TNRC6A: variants seen among roughly 807,000 people sequenced by gnomAD.
TNRC6A encodes trinucleotide repeat containing adaptor 6A.
TNRC6A carries 44 observed loss-of-function variants against 221.2 expected under a neutral mutation model. The observed-to-expected ratio is 0.20, with a 90% CI of 0.16 to 0.26. The LOEUF is 0.26. Among genes scored for constraint, TNRC6A ranks in the 10% least tolerant of loss-of-function variants. The pLI, the probability that TNRC6A is intolerant of heterozygous loss-of-function variation, is 1.00. For synonymous variants in TNRC6A, 847 were observed against 838.5 expected (o/e 1.01, Z -0.18); for missense variants, 2,199 against 2,404.4 (o/e 0.91, Z 1.79).
chr16:24,647,242 T>G (rs1006724777), intron 2 of TNRC6A, among the ~76,000 whole-genome samples: 2 of 152,124 alleles, frequency 1.3e-5, no homozygotes, highest in South Asian at 2.1e-4. Flanking sequence ...AAAATATCTT[T>G]TTAGTCTTTT....
At chr16:24,738,021 A>G (rs2056808943) in intron 2 of TNRC6A, among the ~76,000 whole-genome samples, 1 of 152,234 alleles carries the variant, frequency 6.6e-6, no homozygotes, top group Non-Finnish European at 1.5e-5. Context: ...TGAAAATCTT[A>G]CAAAGATAGG....
In TNRC6A at chr16:24,615,317, C is replaced by T. The variant is rs530072593; in HGVS notation, n.276+4833C>T. On this transcript the variant is annotated intron_variant and non_coding_transcript_variant, in intron 1 of 2. Coordinates refer to the TNRC6A transcript ENST00000566108. ...GAGGGCAGGAAGATGTCAACCATTCCGTGCTGAGCCCAGTAGACTTGAGAT... is the reference window on the plus strand; with the variant it reads ...GAGGGCAGGAAGATGTCAACCATTCTGTGCTGAGCCCAGTAGACTTGAGAT... Among the ~76,000 whole-genome samples, 71 of 152,186 alleles carry T rather than the reference C, an allele frequency of 4.7e-4. No individual in the cohort carries two copies. The South Asian group carries it at 7.1e-3, about 15-fold the overall frequency.
chr16:24,792,359 A>G (rs567560433), intron 6 of TNRC6A, among the ~76,000 whole-genome samples: 3 of 152,298 alleles, frequency 2.0e-5, no homozygotes, highest in African/African-American at 7.2e-5. Context: ...TATCTCTGCA[A>G]ATTTTCCCAA....
chr16:24,822,204 G>A, intron 23 of TNRC6A, 57 bp downstream of exon 23: 1 of 1,564,782 alleles, frequency 6.4e-7, no homozygotes, highest in East Asian at 2.2e-5. Context: ...TGGGAACAGA[G>A]GTTCGGGTCT....
chr16:24,791,336 G>C lies in TNRC6A; in HGVS notation c.2694G>C (p.Trp898Cys), dbSNP rs1291581803. 16 of 1,603,934 alleles carry C rather than the reference G, an allele frequency of 1.0e-5. No individual in the cohort carries two copies. The highest frequency in any genetic ancestry group is 2.7e-5 in the African/African-American group (2 of 74,780). ...NELGKTSSFT[W>C]GNNINPNNSS... is the part of the protein sequence containing the mutation. ...TTGGTAAAACTAGTTCTTTCACTTG[G>C]GGAAACAACATAAATCCAAATAATT... is the stretch of plus-strand genomic sequence containing the variant. The change falls in exon 6 of 25, where the codon TGG (tryptophan) becomes TGC (cysteine). Residue 898 changes from tryptophan to cysteine, a missense_variant. Coordinates refer to ENST00000395799, the MANE Select transcript of TNRC6A (RefSeq NM_014494.4).
At chr16:24,714,808 A>G (rs1448188797) in intron 2 of TNRC6A, among the ~76,000 whole-genome samples, 1 of 151,568 alleles carries the variant, frequency 6.6e-6, no homozygotes, top group Non-Finnish European at 1.5e-5. Context: ...AGTTTCAAAG[A>G]GCAAAATTTT....
intron 2 of TNRC6A, among the ~76,000 whole-genome samples, chr16:24,746,907 C>T (rs1223272020): frequency 6.6e-6 from 1 of 152,172 alleles, no homozygotes; most frequent in Non-Finnish European, 1.5e-5. Context: ...CAGACTCTCA[C>T]TATGTTGCCC....
chr16:24,822,876 C>G lies in TNRC6A; in HGVS notation c.5376C>G (p.Ile1792Met). 6.2e-7 allele frequency: 1 copy of G among 1,613,412 alleles called. No homozygotes were observed. Among genetic ancestry groups the G allele is most frequent in the Non-Finnish European group, 8.5e-7 (1 of 1,179,990 alleles). Residue 1792 changes from isoleucine (I) to methionine (M), a missense_variant and splice_region_variant, in exon 24 of 25, where the codon ATC becomes ATG. Around this residue, in one of 8 missense-constraint regions of TNRC6A, gnomAD observed 27 missense variants for 66.0 expected, o/e 0.41. Coordinates refer to ENST00000395799, the MANE Select transcript of TNRC6A (RefSeq NM_014494.4). ...WLVLKNLTPQ[I>M]DGSTLRTLCM... Reference sequence around the variant, plus strand: ...GCAGTTTCCACACTGTTTCCTAGATCGATGGCTCAACTCTGCGCACTCTGT... The same window carrying G: ...GCAGTTTCCACACTGTTTCCTAGATGGATGGCTCAACTCTGCGCACTCTGT...
At chr16:24,708,370 A>G (rs971691975) in intron 2 of TNRC6A, among the ~76,000 whole-genome samples, 5 of 151,878 alleles carry the variant, frequency 3.3e-5, no homozygotes. Context: ...CCTCCTGAAT[A>G]GCTGGGTCTA....
intron 2 of TNRC6A, among the ~76,000 whole-genome samples, chr16:24,678,317 A>G (rs1176807356): frequency 6.6e-6 from 1 of 151,670 alleles, no homozygotes; most frequent in African/African-American, 2.4e-5. Context: ...TCTCAAAAAA[A>G]AAAAAAAAAA....
intron 2 of TNRC6A, among the ~76,000 whole-genome samples, chr16:24,681,629 G>A (rs1159081794): frequency 2.0e-5 from 3 of 152,052 alleles, no homozygotes; most frequent in East Asian, 1.9e-4. Flanking sequence ...TCATTCCATT[G>A]TATACATGTG....
chr16:24,791,918 C>A, intron 6 of TNRC6A, 101 bp downstream of exon 6: 2 of 1,290,166 alleles, frequency 1.6e-6, no homozygotes, highest in African/African-American at 1.6e-5. Context: ...GCTGTTCTTA[C>A]TGTAATCCAG....
At chr16:24,671,125 C>G in intron 2 of TNRC6A, 1 of 235,658 alleles carries the variant, frequency 4.2e-6, no homozygotes, top group Non-Finnish European at 9.5e-6. Context: ...CCAGCAATGA[C>G]GAAGCACCCG....
In TNRC6A at chr16:24,823,874, G is replaced by A. The variant is rs1178746567; in HGVS notation, c.*67G>A. On this transcript the variant is annotated 3_prime_UTR_variant, in exon 25 of 25. Coordinates refer to ENST00000395799, the MANE Select transcript of TNRC6A (RefSeq NM_014494.4). This position sits in a 1 kb window ranked among gnomAD's most constrained non-coding sequence, Gnocchi z 4.3. ...GGGAAAGGAGCACTAAGTGGGGCTCGCCGCCTGCAGCCAGGGGCCGCCTGT... is the reference window on the plus strand; with the variant it reads ...GGGAAAGGAGCACTAAGTGGGGCTCACCGCCTGCAGCCAGGGGCCGCCTGT... The A allele has an allele frequency of 1.8e-5, 25 of 1,358,080 alleles. No homozygotes were observed. Among genetic ancestry groups the A allele is most frequent in the Admixed American group, 3.0e-5 (1 of 33,590 alleles). The allele number at this position is 1,358,080 out of a possible 1,614,324, so 84.1% of individuals were successfully genotyped here.
chr16:24,770,124 CA>C (rs757501582), intron 4 of TNRC6A, among the ~76,000 whole-genome samples: 10 of 151,956 alleles, frequency 6.6e-5, no homozygotes, highest in Non-Finnish European at 1.5e-4. Flanking sequence ...GCAAAAACGA[CA>C]AAAATATTTG....
At chr16:24,785,173 C>T (rs1259074345) in intron 5 of TNRC6A, among the ~76,000 whole-genome samples, 6 of 152,204 alleles carry the variant, frequency 3.9e-5, no homozygotes, top group Non-Finnish European at 8.8e-5. Context: ...CAATGCAGTG[C>T]TGTTCAACTA....
chr16:24,689,920 TA>T (rs1337503640), intron 2 of TNRC6A, among the ~76,000 whole-genome samples: 1 of 144,836 alleles, frequency 6.9e-6, no homozygotes, highest in Admixed American at 7.2e-5. Context: ...TGGCTAATTT[TA>T]AAAAATTTTT....
At chr16:24,792,253 CTACTT>C (rs2151885730) in intron 6 of TNRC6A, among the ~76,000 whole-genome samples, 1 of 152,122 alleles carries the variant, frequency 6.6e-6, no homozygotes, top group East Asian at 1.9e-4. Flanking sequence ...AAATCCAACT[CTACTT>C]AGATACAGTA....
At chr16:24,755,369 A>G (rs1007177611) in intron 3 of TNRC6A, among the ~76,000 whole-genome samples, 2 of 152,256 alleles carry the variant, frequency 1.3e-5, no homozygotes, top group African/African-American at 2.4e-5. Context: ...GTGAGAGCCA[A>G]TACTGAGCCA....
Sources: gnomAD v4.1 joint callset for allele counts (sites outside exome capture counted in the v4.1 genomes callset) on GRCh38, gnomAD v4.1.1 for gene constraint, gnomAD v4.1.1 regional missense constraint, Gnocchi (gnomAD v3.1) non-coding constraint, MANE v1.5 for transcripts, NCBI Gene and HGNC (gene_info 2026-07-23, HGNC 2026-07-21) for gene names.